The following TSPAN18 variants were observed in gnomAD, a reference collection of about 807,000 sequenced individuals.
TSPAN18 encodes tetraspanin-18.
Under a neutral mutation model 27.3 loss-of-function variants are expected in TSPAN18, and 14 were observed. That is an observed-to-expected ratio of 0.51 (90% CI 0.34 to 0.80). The LOEUF (loss-of-function observed/expected upper bound fraction) is 0.80, where lower values mean the gene tolerates loss of function less well. Among genes scored for constraint, TSPAN18 ranks in the 30% least tolerant of loss-of-function variants. The pLI is 0.01. For missense variants in TSPAN18, 268 were observed against 323.9 expected (o/e 0.83, Z 1.32); for synonymous variants, 143 against 136.5 (o/e 1.05, Z -0.33).
At chr11:44,860,168 A>T (rs1387130174) in intron 2 of TSPAN18, among the ~76,000 whole-genome samples, 160 bp from the exon 3 acceptor site, 1 of 152,158 alleles carries the variant, frequency 6.6e-6, no homozygotes, top group African/African-American at 2.4e-5. Context: ...TTTCAGTCGG[A>T]TCTAGATGTT....
chr11:44,784,248 G>A (rs935790300), intron 2 of TSPAN18, among the ~76,000 whole-genome samples: 7 of 152,146 alleles, frequency 4.6e-5, no homozygotes, highest in East Asian at 1.9e-4. Flanking sequence ...GAGAGGGACC[G>A]AACAGGCTGT....
chr11:44,840,038 A>C (rs1857340329), intron 2 of TSPAN18, among the ~76,000 whole-genome samples: 2 of 152,228 alleles, frequency 1.3e-5, no homozygotes, highest in South Asian at 4.1e-4. Context: ...AGTGAGCATC[A>C]TCCTAAGTCA....
In TSPAN18 at chr11:44,930,675, G is replaced by A. The variant is rs1412384764; in HGVS notation, c.*1497G>A. 3 of 370,506 alleles carry A rather than the reference G, an allele frequency of 8.1e-6. No individual in the cohort carries two copies. Among genetic ancestry groups the A allele is most frequent in the South Asian group, 2.0e-5 (1 of 50,382 alleles). 23.0% of individuals were successfully genotyped at this position (370,506 alleles called of 1,614,324 possible). On this transcript the variant is annotated 3_prime_UTR_variant, in exon 10 of 10. Transcript: ENST00000520358. ...AAGATGCTCCTACCCTGATAGATCAGGGGTGGCTGCTGGAGGCTGTGCTGG... is the reference window on the plus strand; with the variant it reads ...AAGATGCTCCTACCCTGATAGATCAAGGGTGGCTGCTGGAGGCTGTGCTGG...
chr11:44,908,691 G>A (rs909303582), intron 4 of TSPAN18, among the ~76,000 whole-genome samples: 3 of 150,620 alleles, frequency 2.0e-5, no homozygotes, highest in East Asian at 2.0e-4. Context: ...ATGTGATCCC[G>A]CCACTGCACT....
chr11:44,747,018 C>A (rs938352226), intron 1 of TSPAN18, among the ~76,000 whole-genome samples: 5 of 152,210 alleles, frequency 3.3e-5, no homozygotes, highest in Non-Finnish European at 7.3e-5. Flanking sequence ...CTGGCCCAGC[C>A]CTGTGTCCCC....
At chr11:44,813,158 C>A (rs1856754136) in intron 2 of TSPAN18, among the ~76,000 whole-genome samples, 1 of 152,336 alleles carries the variant, frequency 6.6e-6, no homozygotes, top group South Asian at 2.1e-4. Flanking sequence ...CTGTCTCCTG[C>A]AGGCCAGGCA....
intron 3 of TSPAN18, among the ~76,000 whole-genome samples, chr11:44,888,287 TACTC>T (rs1858727822): frequency 6.6e-6 from 1 of 152,160 alleles, no homozygotes; most frequent in African/African-American, 2.4e-5. Flanking sequence ...GTGGGAAGCT[TACTC>T]ACCTTCTCTG....
chr11:44,860,886 C>G (rs552226520), intron 3 of TSPAN18, among the ~76,000 whole-genome samples: 1 of 152,200 alleles, frequency 6.6e-6, no homozygotes, highest in Non-Finnish European at 1.5e-5. Flanking sequence ...GAACTGAGGT[C>G]AGATGCTGCA....
chr11:44,901,873 A>C (rs991894017), intron 3 of TSPAN18, among the ~76,000 whole-genome samples: 2 of 152,194 alleles, frequency 1.3e-5, no homozygotes, highest in African/African-American at 4.8e-5. Flanking sequence ...TCTTCTGTAA[A>C]ATGGGCATAG....
intron 3 of TSPAN18, among the ~76,000 whole-genome samples, chr11:44,905,733 C>A (rs1295163263): frequency 6.6e-6 from 1 of 152,164 alleles, no homozygotes; most frequent in Non-Finnish European, 1.5e-5. Flanking sequence ...CATGGGTATA[C>A]TTTTAGGTGA....
At chr11:44,800,657 C>G (rs778958162) in intron 2 of TSPAN18, among the ~76,000 whole-genome samples, 35 of 152,194 alleles carry the variant, frequency 2.3e-4, no homozygotes, top group Non-Finnish European at 4.9e-4. Context: ...GCAGGATGCC[C>G]GGTGACACCT....
rs1039233780 is a variant in TSPAN18, at chr11:44,931,919, CAAG to C, written c.*2746_*2748del. ...CGGACCCCACTAACAGGGCAAGGAA[CAAG>C]AAGACTACACCGCTCATCACAAACC... On this transcript the variant is annotated 3_prime_UTR_variant, in exon 10 of 10. Coordinates refer to ENST00000520358, the MANE Select transcript of TSPAN18 (RefSeq NM_130783.5). 2.4e-4 allele frequency: 36 copies of C among 152,386 alleles called. No homozygotes were observed. The highest frequency in any genetic ancestry group is 7.7e-4 in the African/African-American group (32 of 41,568). 9.4% of individuals were successfully genotyped at this position (152,386 alleles called of 1,614,324 possible). A position where few individuals can be genotyped will look rare whatever the true frequency, so the allele number is the denominator to read the frequency against.
chr11:44,780,504 A>C (rs1855913567), intron 2 of TSPAN18, among the ~76,000 whole-genome samples: 1 of 152,228 alleles, frequency 6.6e-6, no homozygotes, highest in African/African-American at 2.4e-5. Flanking sequence ...ACACTTACTG[A>C]CAGCAGCGAT....
At chr11:44,846,013 G>A (rs1242713224) in intron 2 of TSPAN18, among the ~76,000 whole-genome samples, 1 of 152,236 alleles carries the variant, frequency 6.6e-6, no homozygotes, top group Non-Finnish European at 1.5e-5. Flanking sequence ...TCTGTAAGAT[G>A]GGGAGAATAA....
intron 5 of TSPAN18, among the ~76,000 whole-genome samples, chr11:44,911,004 G>A (rs998501914): frequency 1.3e-5 from 2 of 152,220 alleles, no homozygotes; most frequent in African/African-American, 2.4e-5. Context: ...TCTCGTTCTC[G>A]AGTCTCCTGG....
At chr11:44,802,928 A>G (rs1219150485) in intron 2 of TSPAN18, among the ~76,000 whole-genome samples, 3 of 152,194 alleles carry the variant, frequency 2.0e-5, no homozygotes, top group Non-Finnish European at 4.4e-5. Context: ...CACCAGCTCC[A>G]AGATGGTGGG....
At chr11:44,909,491 T>C (rs985254894) in intron 4 of TSPAN18, 23 of 560,952 alleles carry the variant, frequency 4.1e-5, no homozygotes, top group African/African-American at 4.0e-4. Flanking sequence ...AGAGGATGCG[T>C]GTTGCACTTA....
intron 8 of TSPAN18, chr11:44,926,461 C>T (rs562794759): frequency 3.9e-5 from 22 of 564,958 alleles, no homozygotes; most frequent in Middle Eastern, 4.6e-4. Context: ...CCTTAGGGGC[C>T]GGGTGGCAAA....
chr11:44,863,744 G>T (rs1433276217), intron 3 of TSPAN18, among the ~76,000 whole-genome samples: 1 of 152,032 alleles, frequency 6.6e-6, no homozygotes, highest in African/African-American at 2.4e-5. Context: ...TCTGAGCTCT[G>T]CTAGCAGTAC....
Sources: gnomAD v4.1 joint callset for allele counts (sites outside exome capture counted in the v4.1 genomes callset) on GRCh38, gnomAD v4.1.1 for gene constraint, MANE v1.5 for transcripts, NCBI Gene and HGNC (gene_info 2026-07-23, HGNC 2026-07-21) for gene names.